GPR137C: variants seen among roughly 807,000 people sequenced by gnomAD.
GPR137C encodes G protein-coupled receptor 137C, also known as integral membrane protein GPR137C.
Under a neutral mutation model 43.4 loss-of-function variants are expected in GPR137C, and 27 were observed. That is an observed-to-expected ratio of 0.62 (90% CI 0.46 to 0.86). The LOEUF (loss-of-function observed/expected upper bound fraction) is 0.86. GPR137C is among the 40% of genes least tolerant of loss of function. The pLI is 0.00. For synonymous variants in GPR137C, 285 were observed against 226.9 expected (o/e 1.26, Z -2.30); for missense variants, 522 against 534.6 (o/e 0.98, Z 0.23).
At chr14:52,560,214 A>G (rs2038259543) in intron 1 of GPR137C, among the ~76,000 whole-genome samples, 1 of 152,210 alleles carries the variant, frequency 6.6e-6, no homozygotes. Flanking sequence ...AGGAATAAAT[A>G]AAAGATGTGC....
chr14:52,582,152 T>C (rs2038656124), intron 1 of GPR137C, among the ~76,000 whole-genome samples: 1 of 152,190 alleles, frequency 6.6e-6, no homozygotes, highest in Non-Finnish European at 1.5e-5. Flanking sequence ...AGGATCCACT[T>C]TCTGGTTCAT....
chr14:52,575,011 A>T (rs2038529630), intron 1 of GPR137C, among the ~76,000 whole-genome samples: 1 of 152,190 alleles, frequency 6.6e-6, no homozygotes. Context: ...TTTTCTAGGG[A>T]GTCTAAATCT....
intron 3 of GPR137C, among the ~76,000 whole-genome samples, chr14:52,614,623 G>C (rs2039078066): frequency 6.6e-6 from 1 of 152,068 alleles, no homozygotes; most frequent in Admixed American, 6.5e-5. Flanking sequence ...GAGTGGCTGG[G>C]ACTACAGGCA....
chr14:52,559,684 G>A (rs1221314570), intron 1 of GPR137C, among the ~76,000 whole-genome samples: 3 of 152,106 alleles, frequency 2.0e-5, no homozygotes, highest in Non-Finnish European at 4.4e-5. Context: ...CATTGCAATA[G>A]GCAAGGGAAA....
chr14:52,579,100 GA>G (rs1002944880), intron 1 of GPR137C, among the ~76,000 whole-genome samples: 27 of 151,172 alleles, frequency 1.8e-4, no homozygotes, highest in Non-Finnish European at 4.4e-5. Flanking sequence ...ATTCCTCAGA[GA>G]AAAAAAAATA....
rs2039323116 is a variant in GPR137C at position 52,633,953 on chromosome 14, G to T, written c.1112+7G>T. On this transcript the variant is annotated splice_region_variant and intron_variant, in intron 6 of 6. Transcript: ENST00000321662. ...GAAGTTCAAGAGAAGGAAGGTAGAT[G>T]TAACAAAGCCACTTAGCCTGAATTA... 1 of 1,476,526 alleles carries T rather than the reference G, an allele frequency of 6.8e-7. No homozygotes were observed. Among genetic ancestry groups the T allele is most frequent in the Admixed American group, 1.7e-5 (1 of 59,460 alleles). 91.5% of individuals were successfully genotyped at this position (1,476,526 alleles called of 1,614,324 possible).
chr14:52,561,301 T>C (rs1451836794), intron 1 of GPR137C, among the ~76,000 whole-genome samples: 4 of 152,190 alleles, frequency 2.6e-5, no homozygotes, highest in Admixed American at 2.6e-4. Context: ...AACATAAGCC[T>C]GTCATAAAAT....
At chr14:52,573,767 A>G (rs1003101464) in intron 1 of GPR137C, among the ~76,000 whole-genome samples, 1 of 152,190 alleles carries the variant, frequency 6.6e-6, no homozygotes, top group Admixed American at 6.6e-5. Context: ...AAAAGGAACT[A>G]TCATCAGAGT....
At chr14:52,578,491 A>T (rs1197666894) in intron 1 of GPR137C, among the ~76,000 whole-genome samples, 1 of 151,966 alleles carries the variant, frequency 6.6e-6, no homozygotes, top group Non-Finnish European at 1.5e-5. Context: ...TATTAACATC[A>T]TGTTTTTGTT....
chr14:52,581,596 A>G (rs767765674), intron 1 of GPR137C, among the ~76,000 whole-genome samples: 7 of 152,154 alleles, frequency 4.6e-5, no homozygotes, highest in Non-Finnish European at 1.0e-4. Flanking sequence ...TTTATGGCTA[A>G]AGTAGCTAAA....
At chr14:52,612,211 T>G (rs1211368484) in intron 3 of GPR137C, 3 of 983,852 alleles carry the variant, frequency 3.0e-6, no homozygotes, top group Non-Finnish European at 3.6e-6. Flanking sequence ...AGCCGTAGTG[T>G]CACCACTGAC....
At chr14:52,558,795 T>C (rs1475633072) in intron 1 of GPR137C, among the ~76,000 whole-genome samples, 5 of 152,104 alleles carry the variant, frequency 3.3e-5, no homozygotes, top group Non-Finnish European at 7.3e-5. Flanking sequence ...AAATGGATGG[T>C]TAAACAGATT....
chr14:52,634,794 T>G (rs2039333494), intron 6 of GPR137C, 144 bp from the exon 7 acceptor site: 1 of 682,474 alleles, frequency 1.5e-6, no homozygotes, highest in African/African-American at 1.9e-5. Context: ...TAGAAAAGCA[T>G]TTTGTTATTT....
chr14:52,574,465 G>A (rs1185385801), intron 1 of GPR137C, among the ~76,000 whole-genome samples: 1 of 152,132 alleles, frequency 6.6e-6, no homozygotes, highest in Non-Finnish European at 1.5e-5. Flanking sequence ...GACTAACACA[G>A]GAATGAAAAC....
At chr14:52,611,998 C>G in intron 3 of GPR137C, 2 of 985,364 alleles carry the variant, frequency 2.0e-6, no homozygotes, top group Non-Finnish European at 2.4e-6. Context: ...ACCCATTTGG[C>G]AGAATGTTGT....
intron 3 of GPR137C, among the ~76,000 whole-genome samples, chr14:52,629,264 C>T (rs2039266270): frequency 6.6e-6 from 1 of 152,200 alleles, no homozygotes; most frequent in African/African-American, 2.4e-5. Context: ...CAATTCCGCT[C>T]TTAGGTAGTT....
chr14:52,628,743 C>T (rs1436007893), intron 3 of GPR137C, among the ~76,000 whole-genome samples: 1 of 152,076 alleles, frequency 6.6e-6, no homozygotes, highest in East Asian at 1.9e-4. Flanking sequence ...CTGCAGTGGG[C>T]CAAGATTGCA....
intron 1 of GPR137C, among the ~76,000 whole-genome samples, chr14:52,560,558 A>G (rs1410031779): frequency 6.6e-6 from 1 of 152,212 alleles, no homozygotes; most frequent in African/African-American, 2.4e-5. Flanking sequence ...GAAAAGATAG[A>G]CATATAGATC....
intron 1 of GPR137C, among the ~76,000 whole-genome samples, chr14:52,592,818 T>C (rs926072832): frequency 2.0e-5 from 3 of 152,196 alleles, no homozygotes; most frequent in Admixed American, 6.5e-5. Context: ...TGAATACCCT[T>C]TATTTCTTTC....
Sources: gnomAD v4.1 joint callset for allele counts (sites outside exome capture counted in the v4.1 genomes callset) on GRCh38, gnomAD v4.1.1 for gene constraint, MANE v1.5 for transcripts, NCBI Gene and HGNC (gene_info 2026-07-23, HGNC 2026-07-21) for gene names.